The following DTX1 variants were observed in gnomAD, a reference collection of about 807,000 sequenced individuals.
DTX1 encodes the protein E3 ubiquitin-protein ligase DTX1.
In DTX1, 26 loss-of-function variants were observed where a neutral mutation model predicts 57.8. The observed-to-expected ratio is 0.45, with a 90% confidence interval of 0.33 to 0.62. The LOEUF is 0.62. Ranked by LOEUF, DTX1 falls within the 20% of genes least tolerant of loss-of-function variation. The pLI, the probability that DTX1 is intolerant of heterozygous loss-of-function variation, is 0.02. For synonymous variants in DTX1, 398 were observed against 394.1 expected (o/e 1.01, Z -0.12); for missense variants, 704 against 895.3 (o/e 0.79, Z 2.73).
chr12:113,089,735 C>G (rs1167187786), intron 3 of DTX1: 1 of 152,264 alleles, frequency 6.6e-6, no homozygotes, highest in Admixed American at 6.5e-5. Context: ...AAATAAATAA[C>G]AGTCCCACAG....
At chr12:113,095,002 G>T in intron 7 of DTX1, 40 bp from the exon 8 acceptor site, 9 of 1,604,574 alleles carry the variant, frequency 5.6e-6, no homozygotes, top group Non-Finnish European at 7.7e-6. Context: ...GTGGGGTTTG[G>T]GGGGGTGCTG....
intron 2 of DTX1, among the ~76,000 whole-genome samples, chr12:113,072,574 T>C (rs2044743755): frequency 6.6e-6 from 1 of 152,208 alleles, no homozygotes; most frequent in African/African-American, 2.4e-5. Context: ...TGCCTATACG[T>C]TATCTCATTT....
At chr12:113,067,342 G>C (rs886221319) in intron 2 of DTX1, among the ~76,000 whole-genome samples, 1 of 152,084 alleles carries the variant, frequency 6.6e-6, no homozygotes, top group African/African-American at 2.4e-5. Flanking sequence ...GGGGGCGAAG[G>C]TTCACTTGTT....
At position 113,096,439 on chromosome 12, in the gene DTX1, C is replaced by CAAAAAAA. The variant is rs56194115; in HGVS notation, c.1639-259_1639-253dup. Among the ~76,000 whole-genome samples the CAAAAAAA allele has an allele frequency of 7.5e-5, 7 of 92,758 alleles. No homozygotes were observed. The East Asian group carries it at 9.8e-4, about 13-fold the overall frequency. 60.9% of individuals were successfully genotyped at this position (92,758 alleles called of 152,430 possible). A position where few individuals can be genotyped will look rare whatever the true frequency, so the allele number is the denominator to read the frequency against. ...TGAGCAACACAGCAAGACTCTGCCT[C>CAAAAAAA]AAAAAAAAAAAAAAAAAAAAAAAGA... On this transcript the variant is annotated intron_variant, in intron 9 of 9. Transcript: ENST00000548759.
Position 113,093,980 on chromosome 12 carries a change from C to A in DTX1, c.1166-58C>A. The A allele has an allele frequency of 6.4e-7, 1 of 1,554,430 alleles. No homozygotes were observed. The highest frequency in any genetic ancestry group is 8.7e-7 in the Non-Finnish European group (1 of 1,147,204). ...TCTGACCCCTGACCCAGTTCTGAGC[C>A]AAGCCTTCGGGGACAGACTCTGGGT... On this transcript the variant is annotated intron_variant, in intron 5 of 9. Coordinates refer to ENST00000548759, the MANE Select transcript of DTX1 (RefSeq NM_004416.3). This position sits in a 1 kb window ranked among gnomAD's most constrained non-coding sequence, Gnocchi z 4.2.
At position 113,058,550 on chromosome 12, in the gene DTX1, C is replaced by T. The variant is rs550342783; in HGVS notation, c.259+99C>T. 116 of 1,512,586 alleles carry T rather than the reference C, an allele frequency of 7.7e-5. No individual in the cohort carries two copies. The Admixed American group carries it at 9.9e-4, about 13-fold the overall frequency. The allele number at this position is 1,512,586 out of a possible 1,614,324, so 93.7% of individuals were successfully genotyped here. A position where few individuals can be genotyped will look rare whatever the true frequency, so the allele number is the denominator to read the frequency against. On this transcript the variant is annotated intron_variant, in intron 2 of 9. Coordinates refer to ENST00000548759, the MANE Select transcript of DTX1 (RefSeq NM_004416.3). The stretch of plus-strand genomic sequence containing the variant: ...CCCAGTAAATCTGCTGATGCCAAAT[C>T]CCTTCCCCATCTCCCTGCCTCACCT...
chr12:113,072,696 C>CTTTTTTTTTTTTTTTTTT (rs60642403), intron 2 of DTX1, among the ~76,000 whole-genome samples: 1 of 71,148 alleles, frequency 1.4e-5, no homozygotes, highest in Non-Finnish European at 2.7e-5. Context: ...GAGAGATTTT[C>CTTTTTTTTTTTTTTTTTT]TTTTTTTTTT....
At chr12:113,092,543 T>C (rs1309555897) in intron 3 of DTX1, among the ~76,000 whole-genome samples, 1 of 152,098 alleles carries the variant, frequency 6.6e-6, no homozygotes, top group African/African-American at 2.4e-5. Flanking sequence ...GAGAGGATAG[T>C]ACCTTGTCAC....
Position 113,057,760 on chromosome 12 carries a change from C to A in DTX1, c.-433C>A, listed in dbSNP as rs546652296. ...GGGAGTGCAAAGGGCTGGCTGAGAG[C>A]CGCAGGAGCAGCAGGCTGTGGCCCA... is the stretch of plus-strand genomic sequence containing the variant. On this transcript the variant is annotated 5_prime_UTR_variant, in exon 2 of 10. Transcript: ENST00000548759. The A allele has an allele frequency of 3.4e-4, 60 of 176,624 alleles. 2 individuals carry two copies. The South Asian group carries it at 4.1e-3, about 12-fold the overall frequency. 10.9% of individuals were successfully genotyped at this position (176,624 alleles called of 1,614,324 possible). A position where few individuals can be genotyped will look rare whatever the true frequency, so the allele number is the denominator to read the frequency against.
chr12:113,095,103 C>T lies in DTX1; in HGVS notation c.1448C>T (p.Pro483Leu), dbSNP rs935256741. ...TACGGGGAGAAGACGGGTACGCAGC[C>T]GCCTGGGAAGATGGAGTTCCACCTC... ...AIYGEKTGTQPPGKMEFHLIP... is the reference protein window; with the variant it reads ...AIYGEKTGTQLPGKMEFHLIP... Residue 483 changes from proline (P) to leucine (L), a missense_variant, in exon 8 of 10, where the codon CCG (proline) becomes CTG (leucine). Coordinates refer to ENST00000548759, the MANE Select transcript of DTX1 (RefSeq NM_004416.3). 9.3e-6 allele frequency: 15 copies of T among 1,613,760 alleles called. No individual in the cohort carries two copies. The highest frequency in any genetic ancestry group is 1.2e-5 in the Non-Finnish European group (14 of 1,179,814).
intron 3 of DTX1, among the ~76,000 whole-genome samples, chr12:113,089,234 G>A (rs1403949641): frequency 6.6e-6 from 1 of 152,088 alleles, no homozygotes; most frequent in Non-Finnish European, 1.5e-5. Flanking sequence ...GGAGAGGGGT[G>A]AACACATAGG....
At position 113,063,496 on chromosome 12, in the gene DTX1, T is replaced by C. The variant is rs912423581; in HGVS notation, c.259+5045T>C. On this transcript the variant is annotated intron_variant, in intron 2 of 9. Coordinates refer to ENST00000548759, the MANE Select transcript of DTX1 (RefSeq NM_004416.3). ...GACTGGAGCTGGGGAGGGGCACCTA[T>C]CTGCCTGGTATCTCCCATGTCGCTC... Among the ~76,000 whole-genome samples, 3 of 152,190 alleles carry C rather than the reference T, an allele frequency of 2.0e-5. No homozygotes were observed. The South Asian group carries it at 6.2e-4, about 32-fold the overall frequency.
chr12:113,096,154 G>A (rs1178314171), intron 9 of DTX1, among the ~76,000 whole-genome samples: 3 of 151,688 alleles, frequency 2.0e-5, no homozygotes, highest in Admixed American at 2.0e-4. Flanking sequence ...GCACTGAGTC[G>A]AGATCACCCC....
intron 2 of DTX1, among the ~76,000 whole-genome samples, chr12:113,067,838 C>T (rs887375897): frequency 6.6e-6 from 1 of 151,490 alleles, no homozygotes. Context: ...TTAAGACCAG[C>T]CTGAGCAATG....
intron 2 of DTX1, among the ~76,000 whole-genome samples, chr12:113,068,898 T>C (rs1280760940): frequency 1.3e-5 from 2 of 152,198 alleles, no homozygotes; most frequent in East Asian, 1.9e-4. Context: ...CCTGACTAGA[T>C]TCAATCTTCA....
chr12:113,084,101 A>G (rs2044837856), intron 3 of DTX1, among the ~76,000 whole-genome samples: 1 of 152,250 alleles, frequency 6.6e-6, no homozygotes, highest in Admixed American at 6.5e-5. Flanking sequence ...AGGGTCACCC[A>G]GCCAGTGGGG....
chr12:113,071,765 G>T (rs2044739635), intron 2 of DTX1, among the ~76,000 whole-genome samples: 1 of 152,256 alleles, frequency 6.6e-6, no homozygotes, highest in Non-Finnish European at 1.5e-5. Flanking sequence ...GCCTGGGCCG[G>T]AGAGGCGGAC....
chr12:113,087,928 A>G (rs1305252278), intron 3 of DTX1, among the ~76,000 whole-genome samples: 1 of 152,164 alleles, frequency 6.6e-6, no homozygotes, highest in Non-Finnish European at 1.5e-5. Flanking sequence ...TAGGGGACAG[A>G]GAGAGGTGGC....
At position 113,097,591 on chromosome 12, in the gene DTX1, G is replaced by A. The variant is rs1357673757; in HGVS notation, c.*652G>A. 1 of 152,386 alleles carries A rather than the reference G, an allele frequency of 6.6e-6. No individual in the cohort carries two copies. The highest frequency in any genetic ancestry group is 1.5e-5 in the Non-Finnish European group (1 of 68,180). 9.4% of individuals were successfully genotyped at this position (152,386 alleles called of 1,614,324 possible). On this transcript the variant is annotated 3_prime_UTR_variant, in exon 10 of 10. Transcript: ENST00000548759. ...ACTAGAGGGTCCTGATTTTGTGTCT[G>A]TGCCTCTTCATCTCTCTGGACTCTG...
Sources: gnomAD v4.1 joint callset for allele counts (sites outside exome capture counted in the v4.1 genomes callset) on GRCh38, gnomAD v4.1.1 for gene constraint, Gnocchi (gnomAD v3.1) non-coding constraint, MANE v1.5 for transcripts, NCBI Gene and HGNC (gene_info 2026-07-23, HGNC 2026-07-21) for gene names.